Variants in DYNC2LI1 observed in about 807,000 individuals in gnomAD.
DYNC2LI1 encodes cytoplasmic dynein 2 light intermediate chain 1.
A neutral mutation model predicts 51.9 loss-of-function variants in DYNC2LI1; 45 were observed. The ratio of observed to expected loss-of-function variants is 0.87; its 90% CI spans 0.68 to 1.11. The LOEUF is 1.11. DYNC2LI1 is among the 50% of genes most tolerant of loss of function. DYNC2LI1 has a pLI of 0.00. For missense variants in DYNC2LI1, 490 were observed against 417.4 expected, an observed-to-expected ratio of 1.17 and a Z score of -1.51; for synonymous variants, 130 against 137.8, an observed-to-expected ratio of 0.94 and a Z score of 0.40.
the DYNC2LI1 span, among the ~76,000 whole-genome samples, chr2:43,820,906 A>C: frequency 1.8e-3 from 269 of 152,230 alleles, no homozygotes; most frequent in African/African-American, 6.1e-3. Flanking sequence ...TGCCCATCTC[A>C]GCCTCCCAAA....
chr2:43,782,923 A>C (rs1333135844), intron 2 of DYNC2LI1, among the ~76,000 whole-genome samples: 1 of 152,190 alleles, frequency 6.6e-6, no homozygotes, highest in Non-Finnish European at 1.5e-5. Context: ...CAGAGGTTGC[A>C]GTGAGCCAAG....
At position 43,796,450 on chromosome 2, in the gene DYNC2LI1, G is replaced by A. The variant is rs145524035; in HGVS notation, c.577-268G>A. Reference sequence around the variant, plus strand: ...TCTTATCTTTGCTTGTCAGAGAATCGTTAGAATTCCACACTATGAAATGTG... The same window carrying A: ...TCTTATCTTTGCTTGTCAGAGAATCATTAGAATTCCACACTATGAAATGTG... On this transcript the variant is annotated intron_variant, in intron 7 of 12. Coordinates refer to ENST00000260605, the MANE Select transcript of DYNC2LI1 (RefSeq NM_016008.4). 5.6e-3 allele frequency among the ~76,000 whole-genome samples: 859 copies of A among 152,130 alleles called. 8 individuals are homozygous for A. Among genetic ancestry groups the A allele is most frequent in the African/African-American group, 0.02 (828 of 41,500 alleles).
chr2:43,827,914 C>T, the DYNC2LI1 span: 1 of 1,603,100 alleles, frequency 6.2e-7, no homozygotes, highest in Non-Finnish European at 8.5e-7. Flanking sequence ...GAAGAAAGGG[C>T]CCAAAGTATC....
At chr2:43,800,223 C>A (rs185405707) in intron 8 of DYNC2LI1, among the ~76,000 whole-genome samples, 1 of 152,306 alleles carries the variant, frequency 6.6e-6, no homozygotes, top group Non-Finnish European at 1.5e-5. Context: ...TAGTACCCAA[C>A]CCCTTTCATT....
intron 8 of DYNC2LI1, among the ~76,000 whole-genome samples, chr2:43,797,623 G>C (rs1665926870): frequency 6.8e-6 from 1 of 146,820 alleles, no homozygotes; most frequent in South Asian, 2.2e-4. Flanking sequence ...GGGTTCAAGT[G>C]ATTCTCCTGC....
chr2:43,818,508 A>G, the DYNC2LI1 span, among the ~76,000 whole-genome samples: 4 of 152,324 alleles, frequency 2.6e-5, no homozygotes, highest in African/African-American at 9.6e-5. Context: ...TCAAAAAATC[A>G]TAAGTCGGGG....
At chr2:43,795,044 C>A in intron 6 of DYNC2LI1, 1 of 1,052,664 alleles carries the variant, frequency 9.5e-7, no homozygotes, top group Non-Finnish European at 1.1e-6. Context: ...CACCATCACT[C>A]TGTATTTTAC....
chr2:43,796,858 C>A lies in DYNC2LI1; in HGVS notation c.654+63C>A, dbSNP rs1665878609. The stretch of plus-strand genomic sequence containing the variant: ...GTACCAAATTTGGGGAAATCAGCAA[C>A]TTGATGCACAGCTACGAGGAATAAA... On this transcript the variant is annotated intron_variant, in intron 8 of 12. Coordinates refer to ENST00000260605, the MANE Select transcript of DYNC2LI1 (RefSeq NM_016008.4). 5 of 1,236,982 alleles carry A rather than the reference C, an allele frequency of 4.0e-6. No individual in the cohort carries two copies. In the Admixed American group the frequency reaches 6.8e-5, roughly 17 times the overall value. 76.6% of individuals were successfully genotyped at this position (1,236,982 alleles called of 1,614,324 possible).
At chr2:43,812,279 T>C (rs553199632), downstream of DYNC2LI1, among the ~76,000 whole-genome samples, 34 of 152,180 alleles carry the variant, frequency 2.2e-4, no homozygotes, top group African/African-American at 7.7e-4. Flanking sequence ...AATGGGGTTA[T>C]TTCTCAGTGC....
intron 5 of DYNC2LI1, chr2:43,793,960 C>T (rs913180106): frequency 6.5e-6 from 1 of 153,222 alleles, no homozygotes; most frequent in Non-Finnish European, 1.5e-5. Flanking sequence ...ATCTGTGCCT[C>T]AGACTTCTAA....
the DYNC2LI1 span, chr2:43,825,063 C>A: frequency 2.8e-3 from 4,553 of 1,606,580 alleles, 109 homozygotes; most frequent in African/African-American, 0.053. Context: ...ACAAGGGTAG[C>A]GATGCACTTT....
the DYNC2LI1 span, among the ~76,000 whole-genome samples, chr2:43,825,837 C>A: frequency 6.6e-6 from 1 of 152,174 alleles, no homozygotes; most frequent in African/African-American, 2.4e-5. Context: ...TGAAACACAC[C>A]TCATAGGAGT....
At chr2:43,811,350 C>T (rs1162506064), downstream of DYNC2LI1, among the ~76,000 whole-genome samples, 1 of 152,160 alleles carries the variant, frequency 6.6e-6, no homozygotes, top group Non-Finnish European at 1.5e-5. Context: ...AAATACTGTT[C>T]TAAGAAATAG....
At chr2:43,827,774 A>C in the DYNC2LI1 span, among the ~76,000 whole-genome samples, 1 of 152,198 alleles carries the variant, frequency 6.6e-6, no homozygotes, top group African/African-American at 2.4e-5. Flanking sequence ...CGGGTCCAGG[A>C]GCTGTTTTGT....
chr2:43,806,931 C>G (rs964633898), intron 12 of DYNC2LI1, among the ~76,000 whole-genome samples: 1 of 151,954 alleles, frequency 6.6e-6, no homozygotes, highest in Admixed American at 6.6e-5. Flanking sequence ...TTATGCTGTC[C>G]TAAGTTTGCC....
chr2:43,827,198 G>A, the DYNC2LI1 span, among the ~76,000 whole-genome samples: 3 of 151,922 alleles, frequency 2.0e-5, no homozygotes, highest in Admixed American at 6.6e-5. Flanking sequence ...GGTGGCAGGC[G>A]CCTGTAATCC....
chr2:43,828,010 T>C, the DYNC2LI1 span: 2 of 1,614,098 alleles, frequency 1.2e-6, no homozygotes, highest in South Asian at 1.1e-5. Context: ...TGGGCTGCGA[T>C]GGAGACCCGG....
intron 3 of DYNC2LI1, among the ~76,000 whole-genome samples, chr2:43,786,000 T>G (rs1673506801): frequency 6.6e-6 from 1 of 152,124 alleles, no homozygotes; most frequent in Non-Finnish European, 1.5e-5. Context: ...ATTAAATATA[T>G]ATACACCATA....
chr2:43,789,812 G>T, intron 5 of DYNC2LI1, 91 bp downstream of exon 5: 1 of 1,129,404 alleles, frequency 8.9e-7, no homozygotes, highest in Non-Finnish European at 1.3e-6. Flanking sequence ...GAATTTTGGG[G>T]CACAGTTTTA....
Sources: gnomAD v4.1 joint callset for allele counts (sites outside exome capture counted in the v4.1 genomes callset) on GRCh38, gnomAD v4.1.1 for gene constraint, MANE v1.5 for transcripts, NCBI Gene and HGNC (gene_info 2026-07-23, HGNC 2026-07-21) for gene names.